The following SPZ1 variants were observed in gnomAD, a reference collection of about 807,000 sequenced individuals.
SPZ1 encodes the protein spermatogenic leucine zipper protein 1.
For synonymous variants in SPZ1, 160 were observed against 167.6 expected (o/e 0.95, Z 0.35); for missense variants, 408 against 486.2 (o/e 0.84, Z 1.51).
Position 80,321,566 on chromosome 5 carries a change from A to G in SPZ1, c.*58A>G. The G allele has an allele frequency of 7.4e-7, 1 of 1,344,496 alleles. No homozygotes were observed. Among genetic ancestry groups the G allele is most frequent in the Non-Finnish European group, 1.0e-6 (1 of 984,994 alleles). 83.3% of individuals were successfully genotyped at this position (1,344,496 alleles called of 1,614,324 possible). On this transcript the variant is annotated 3_prime_UTR_variant, in exon 1 of 1. Transcript: ENST00000296739. ...TTAAAAAACTACATCTGTTACCTCCAACTTGTCAGTCATGATCAATCATCA... is the reference window on the plus strand; with the variant it reads ...TTAAAAAACTACATCTGTTACCTCCGACTTGTCAGTCATGATCAATCATCA...
rs773101137 is a variant in SPZ1 at position 80,320,427 on chromosome 5, A to G, written c.212A>G (p.Asn71Ser). The change falls in exon 1 of 1, where the codon AAT becomes AGT. Residue 71 changes from asparagine to serine, a missense_variant. Transcript: ENST00000296739. ...TEQQTAQKFN[N>S]LLKEIKDILK... ...CAACAGACTGCACAGAAGTTTAACA[A>G]TCTCTTAAAAGAAATTAAAGATATT... The G allele has an allele frequency of 5.0e-6, 8 of 1,613,496 alleles. No individual in the cohort carries two copies. In the African/African-American group the frequency reaches 1.1e-4, roughly 22 times the overall value.
rs1410774491 is a variant in SPZ1, at chr5:80,320,834, G to T, written c.619G>T (p.Ala207Ser). ...CTCTGAGAACACCGCACAAGTTTTT[G>T]CAAGAGATTTGGTAAATCGTTTAGA... ...QNSENTAQVFARDLVNRLEEK... is the reference protein window; with the variant it reads ...QNSENTAQVFSRDLVNRLEEK... The change falls in exon 1 of 1, where the codon GCA becomes TCA. Residue 207 changes from alanine (A) to serine (S), a missense_variant. Coordinates refer to ENST00000296739, the MANE Select transcript of SPZ1 (RefSeq NM_032567.4). 2 of 1,614,106 alleles carry T rather than the reference G, an allele frequency of 1.2e-6. No homozygotes were observed. The highest frequency in any genetic ancestry group is 1.7e-6 in the Non-Finnish European group (2 of 1,180,030).
rs759766063 is a variant in SPZ1 at position 80,320,862 on chromosome 5, A to G, written c.647A>G (p.Glu216Gly). ...AGAGATTTGGTAAATCGTTTAGAAGAAAAAAAAGTCCTTAACGAAACTCAA... is the reference window on the plus strand; with the variant it reads ...AGAGATTTGGTAAATCGTTTAGAAGGAAAAAAAGTCCTTAACGAAACTCAA... ...FARDLVNRLE[E>G]KKVLNETQQS... The change falls in exon 1 of 1, where the codon GAA (glutamate) becomes GGA (glycine). Residue 216 changes from glutamate (E) to glycine (G), a missense_variant. Physicochemically the swap from Glu to Gly is moderately conservative, Grantham distance 98. Coordinates refer to ENST00000296739, the MANE Select transcript of SPZ1 (RefSeq NM_032567.4). 1.2e-6 allele frequency: 2 copies of G among 1,612,686 alleles called. No homozygotes were observed. Among genetic ancestry groups the G allele is most frequent in the East Asian group, 4.5e-5 (2 of 44,862 alleles).
rs1296272889 is a variant in SPZ1, at chr5:80,320,013, G to A, written c.-203G>A. 1.9e-6 allele frequency: 1 copy of A among 530,984 alleles called. No homozygotes were observed. Among genetic ancestry groups the A allele is most frequent in the African/African-American group, 1.9e-5 (1 of 51,694 alleles). 32.9% of individuals were successfully genotyped at this position (530,984 alleles called of 1,614,324 possible). A position where few individuals can be genotyped will look rare whatever the true frequency, so the allele number is the denominator to read the frequency against. On this transcript the variant is annotated 5_prime_UTR_variant, in exon 1 of 1. Coordinates refer to ENST00000296739, the MANE Select transcript of SPZ1 (RefSeq NM_032567.4). ...CTAGAGGAGAAGAGATGGAGCCCCA[G>A]CCTTGGTCCCCTTTCCCACCCTTCC...
rs748967382 is a variant in SPZ1, at chr5:80,320,890, A to C, written c.675A>C (p.Gln225His). The C allele has an allele frequency of 6.2e-7, 1 of 1,610,004 alleles. No individual in the cohort carries two copies. Among genetic ancestry groups the C allele is most frequent in the Non-Finnish European group, 8.5e-7 (1 of 1,179,194 alleles). The change falls in exon 1 of 1, where the codon CAA (glutamine) becomes CAC (histidine). Residue 225 changes from glutamine to histidine, a missense_variant. Transcript: ENST00000296739. ...EEKKVLNETQ[Q>H]SQEKAKNRLN... is the part of the protein sequence containing the mutation. ...AAAAAGTCCTTAACGAAACTCAACA[A>C]AGTCAGGAAAAAGCAAAAAACAGAC...
chr5:80,321,343 T>C lies in SPZ1; in HGVS notation c.1128T>C (p.Tyr376=), dbSNP rs1223747496. The part of the protein sequence containing the change: ...KPSEAKKVEM[Y]KQNKQAMKGT... ...CAGAAGCAAAGAAAGTAGAAATGTA[T>C]AAGCAGAACAAGCAAGCAATGAAGG... The change falls in exon 1 of 1, where the codon TAT becomes TAC. Residue 376 remains tyrosine, a synonymous_variant. Coordinates refer to ENST00000296739, the MANE Select transcript of SPZ1 (RefSeq NM_032567.4). The C allele has an allele frequency of 1.2e-6, 2 of 1,613,284 alleles. No individual in the cohort carries two copies. Among genetic ancestry groups the C allele is most frequent in the South Asian group, 2.2e-5 (2 of 90,850 alleles).
Position 80,320,738 on chromosome 5 carries a change from C to T in SPZ1, c.523C>T (p.Leu175=), listed in dbSNP as rs995089981. Residue 175 remains leucine, a synonymous_variant, in exon 1 of 1, where the codon CTG becomes TTG. Transcript: ENST00000296739. Reference sequence around the variant, plus strand: ...AATCAATGAAATGTTATCAACAAACCTGCCTGTTAGTTTAGCCCCAGAGAA... The same window carrying T: ...AATCAATGAAATGTTATCAACAAACTTGCCTGTTAGTTTAGCCCCAGAGAA... ...DKINEMLSTN[L]PVSLAPEKED... 1 of 1,608,416 alleles carries T rather than the reference C, an allele frequency of 6.2e-7. No homozygotes were observed. Among genetic ancestry groups the T allele is most frequent in the East Asian group, 2.2e-5 (1 of 44,818 alleles).
At position 80,320,442 on chromosome 5, in the gene SPZ1, TTAAAGA is replaced by T. The variant is rs766840490; in HGVS notation, c.230_235del (p.Lys77_Asp78del). ...AAGTTTAACAATCTCTTAAAAGAAA[TTAAAGA>T]TATTCTTAAAAATATGGCAGGTTTT... On this transcript the variant is annotated inframe_deletion, in exon 1 of 1. Transcript: ENST00000296739. The T allele has an allele frequency of 6.2e-7, 1 of 1,612,920 alleles. No homozygotes were observed. The highest frequency in any genetic ancestry group is 8.5e-7 in the Non-Finnish European group (1 of 1,179,738).
chr5:80,321,445 C>T lies in SPZ1; in HGVS notation c.1230C>T (p.Phe410=), dbSNP rs1228888019. The change falls in exon 1 of 1, where the codon TTC becomes TTT. Residue 410 remains phenylalanine (F), a synonymous_variant. Coordinates refer to ENST00000296739, the MANE Select transcript of SPZ1 (RefSeq NM_032567.4). ...CLNKKACNTQ[F]NIHVARKALR... ...ATAAGAAAGCTTGCAATACCCAGTT[C>T]AATATTCATGTTGCAAGAAAAGCTC... 6.3e-7 allele frequency: 1 copy of T among 1,599,672 alleles called. No individual in the cohort carries two copies. The highest frequency in any genetic ancestry group is 1.8e-5 in the Admixed American group (1 of 55,332).
At position 80,320,940 on chromosome 5, in the gene SPZ1, A is replaced by C. The variant is rs1410241582; in HGVS notation, c.725A>C (p.Lys242Thr). The C allele has an allele frequency of 1.2e-6, 2 of 1,610,584 alleles. No individual in the cohort carries two copies. The highest frequency in any genetic ancestry group is 2.7e-5 in the African/African-American group (2 of 74,596). The part of the protein sequence containing the change: ...NRLNVQEETM[K>T]IRNNMEQLLQ... Reference sequence around the variant, plus strand: ...CTTAATGTTCAAGAAGAAACTATGAAAATTAGGAACAACATGGAGCAGTTA... The same window carrying C: ...CTTAATGTTCAAGAAGAAACTATGACAATTAGGAACAACATGGAGCAGTTA... Residue 242 changes from lysine to threonine, a missense_variant, in exon 1 of 1, where the codon AAA (lysine) becomes ACA (threonine). Transcript: ENST00000296739.
rs1743522648 is a variant in SPZ1, at chr5:80,320,052, G to A, written c.-164G>A. 2 of 605,436 alleles carry A rather than the reference G, an allele frequency of 3.3e-6. No homozygotes were observed. Among genetic ancestry groups the A allele is most frequent in the Non-Finnish European group, 5.7e-6 (2 of 351,326 alleles). The allele number at this position is 605,436 out of a possible 1,614,324, so 37.5% of individuals were successfully genotyped here. On this transcript the variant is annotated 5_prime_UTR_variant, in exon 1 of 1. Coordinates refer to ENST00000296739, the MANE Select transcript of SPZ1 (RefSeq NM_032567.4). ...TCCCACCCTTCCTCCCCACAAGGCT[G>A]TCTGAGATGCCACCTTCCACCTAAA...
Position 80,321,276 on chromosome 5 carries a change from T to A in SPZ1, c.1061T>A (p.Ile354Asn), listed in dbSNP as rs1188880583. The A allele has an allele frequency of 1.2e-6, 2 of 1,612,028 alleles. No individual in the cohort carries two copies. The highest frequency in any genetic ancestry group is 3.4e-5 in the Admixed American group (2 of 59,450). Residue 354 changes from isoleucine to asparagine, a missense_variant, in exon 1 of 1, where the codon ATT (isoleucine) becomes AAT (asparagine). Transcript: ENST00000296739. ...QKQGTLQEKP[I>N]QINYKQDKKN... Reference sequence around the variant, plus strand: ...CAGGGAACTCTGCAAGAGAAGCCAATTCAGATAAACTATAAACAGGACAAG... The same window carrying A: ...CAGGGAACTCTGCAAGAGAAGCCAAATCAGATAAACTATAAACAGGACAAG...
chr5:80,321,282 T>C lies in SPZ1; in HGVS notation c.1067T>C (p.Ile356Thr). The C allele has an allele frequency of 6.2e-7, 1 of 1,610,498 alleles. No individual in the cohort carries two copies. Reference protein sequence around the residue: ...QGTLQEKPIQINYKQDKKNQK... With the variant: ...QGTLQEKPIQTNYKQDKKNQK... ...ACTCTGCAAGAGAAGCCAATTCAGA[T>C]AAACTATAAACAGGACAAGAAAAAT... Residue 356 changes from isoleucine (I) to threonine (T), a missense_variant, in exon 1 of 1, where the codon ATA (isoleucine) becomes ACA (threonine). Physicochemically the swap from Ile to Thr is moderately conservative, Grantham distance 89. Transcript: ENST00000296739.
rs1211077695 is a variant in SPZ1, at chr5:80,321,023, T to A, written c.808T>A (p.Ser270Thr). 26 of 1,613,936 alleles carry A rather than the reference T, an allele frequency of 1.6e-5. No individual in the cohort carries two copies. Among genetic ancestry groups the A allele is most frequent in the Non-Finnish European group, 1.8e-5 (21 of 1,179,982 alleles). ...QHTELSKLIK[S>T]YQKSQKDISE... is the part of the protein sequence containing the mutation. ...TACTGAGCTCAGTAAACTGATAAAA[T>A]CCTATCAGAAATCTCAGAAAGACAT... is the stretch of plus-strand genomic sequence containing the variant. Residue 270 changes from serine (S) to threonine (T), a missense_variant, in exon 1 of 1, where the codon TCC becomes ACC. By Grantham distance (58) the Ser-to-Thr change is moderately conservative (BLOSUM62 1). Transcript: ENST00000296739.
rs1309887881 is a variant in SPZ1 at position 80,320,137 on chromosome 5, T to C, written c.-79T>C. On this transcript the variant is annotated 5_prime_UTR_variant, in exon 1 of 1. Coordinates refer to ENST00000296739, the MANE Select transcript of SPZ1 (RefSeq NM_032567.4). ...CTCTGACTTCTGCTTGATTCCACAG[T>C]CTCCACCCACATTTGCACAAAGGAC... 2.6e-6 allele frequency: 3 copies of C among 1,137,734 alleles called. No homozygotes were observed. The highest frequency in any genetic ancestry group is 3.8e-6 in the Non-Finnish European group (3 of 797,668). 70.5% of individuals were successfully genotyped at this position (1,137,734 alleles called of 1,614,324 possible).
rs777449245 is a variant in SPZ1 at position 80,321,179 on chromosome 5, G to C, written c.964G>C (p.Ala322Pro). The C allele has an allele frequency of 6.2e-6, 10 of 1,613,910 alleles. No individual in the cohort carries two copies. The highest frequency in any genetic ancestry group is 7.6e-6 in the Non-Finnish European group (9 of 1,180,022). Reference sequence around the variant, plus strand: ...CACCTATTCATTGCAGTTGATGGCAGCTTTGCTAGAGAATGAATGCCAAAT... The same window carrying C: ...CACCTATTCATTGCAGTTGATGGCACCTTTGCTAGAGAATGAATGCCAAAT... ...HDTYSLQLMA[A>P]LLENECQILQ... is the part of the protein sequence containing the mutation. The change falls in exon 1 of 1, where the codon GCT (alanine) becomes CCT (proline). Residue 322 changes from alanine to proline, a missense_variant. By Grantham distance (27) the Ala-to-Pro change is conservative. Transcript: ENST00000296739.
Position 80,321,384 on chromosome 5 carries a change from A to T in SPZ1, c.1169A>T (p.Lys390Ile), listed in dbSNP as rs763972183. ...KQAMKGTFWK[K>I]DRSCRSLDVC... ...GCAATGAAGGGTACATTTTGGAAAA[A>T]AGACAGATCCTGTAGAAGCCTGGAT... The change falls in exon 1 of 1, where the codon AAA (lysine) becomes ATA (isoleucine). Residue 390 changes from lysine (K) to isoleucine (I), a missense_variant. Transcript: ENST00000296739. The T allele has an allele frequency of 8.1e-6, 13 of 1,613,780 alleles. No individual in the cohort carries two copies. In the East Asian group the frequency reaches 1.1e-4, roughly 14 times the overall value.
Position 80,321,735 on chromosome 5 carries a change from TTTACAATCTGCTTGTTTTTTTTGTAATTA to T in SPZ1, c.*231_*259del, listed in dbSNP as rs1408748310. On this transcript the variant is annotated 3_prime_UTR_variant, in exon 1 of 1. Coordinates refer to ENST00000296739, the MANE Select transcript of SPZ1 (RefSeq NM_032567.4). ...TACATCAAGTTCATAACTTTTCACC[TTTACAATCTGCTTGTTTTTTTTGTAATTA>T]TTAGATAGACAGCCTAGAGTGAGAA... 1 of 356,056 alleles carries T rather than the reference TTTACAATCTGCTTGTTTTTTTTGTAATTA, an allele frequency of 2.8e-6. No individual in the cohort carries two copies. Among genetic ancestry groups the T allele is most frequent in the African/African-American group, 2.1e-5 (1 of 47,216 alleles). 22.1% of individuals were successfully genotyped at this position (356,056 alleles called of 1,614,324 possible). A position where few individuals can be genotyped will look rare whatever the true frequency, so the allele number is the denominator to read the frequency against.
chr5:80,320,152 G>T lies in SPZ1; in HGVS notation c.-64G>T. ...GATTCCACAGTCTCCACCCACATTT[G>T]CACAAAGGACCATCACCTGTCCTTC... On this transcript the variant is annotated 5_prime_UTR_variant, in exon 1 of 1. Transcript: ENST00000296739. 1 of 1,305,920 alleles carries T rather than the reference G, an allele frequency of 7.7e-7. No homozygotes were observed. Among genetic ancestry groups the T allele is most frequent in the African/African-American group, 1.5e-5 (1 of 67,500 alleles). 80.9% of individuals were successfully genotyped at this position (1,305,920 alleles called of 1,614,324 possible).
Sources: allele counts gnomAD v4.1 joint callset, GRCh38; gene constraint gnomAD v4.1.1; transcripts MANE v1.5; gene names NCBI Gene and HGNC (gene_info 2026-07-23, HGNC 2026-07-21).